Variants in TTC7B observed in about 807,000 individuals in gnomAD.
TTC7B encodes the protein tetratricopeptide repeat domain 7B.
Under a neutral mutation model 106.8 loss-of-function variants are expected in TTC7B, and 28 were observed. The ratio of observed to expected loss-of-function variants is 0.26; its 90% CI spans 0.19 to 0.36. TTC7B has a LOEUF of 0.36. TTC7B is among the 10% of genes least tolerant of loss of function. The pLI is 1.00. For missense variants in TTC7B, 862 were observed against 1,076.4 expected, an observed-to-expected ratio of 0.80 and a Z score of 2.79; for synonymous variants, 405 against 430.6, an observed-to-expected ratio of 0.94 and a Z score of 0.74.
At chr14:90,727,310 G>A (rs960086707) in intron 5 of TTC7B, among the ~76,000 whole-genome samples, 3 of 152,144 alleles carry the variant, frequency 2.0e-5, no homozygotes, top group Non-Finnish European at 4.4e-5. Context: ...GAGCCACAGC[G>A]CTTCCCACAC....
At chr14:90,720,008 A>G (rs975133993) in intron 5 of TTC7B, among the ~76,000 whole-genome samples, 6 of 149,584 alleles carry the variant, frequency 4.0e-5, no homozygotes, top group Admixed American at 1.3e-4. Context: ...AAACATTATG[A>G]GATTTATGCA....
At chr14:90,565,017 T>A (rs1285223345) in intron 19 of TTC7B, among the ~76,000 whole-genome samples, 1 of 152,258 alleles carries the variant, frequency 6.6e-6, no homozygotes, top group Non-Finnish European at 1.5e-5. Flanking sequence ...TGCTTCACTT[T>A]GCACTTTTAT....
At chr14:90,613,042 C>T (rs560411273) in intron 16 of TTC7B, among the ~76,000 whole-genome samples, 8 of 152,174 alleles carry the variant, frequency 5.3e-5, no homozygotes, top group Admixed American at 2.0e-4. Flanking sequence ...ACAGTGTGTA[C>T]GCAACAATCA....
At chr14:90,783,976 C>T (rs1335044657) in intron 2 of TTC7B, among the ~76,000 whole-genome samples, 1 of 151,962 alleles carries the variant, frequency 6.6e-6, no homozygotes, top group Non-Finnish European at 1.5e-5. Flanking sequence ...TACTACCACA[C>T]TGCATTGTAG....
intron 15 of TTC7B, among the ~76,000 whole-genome samples, chr14:90,637,500 CT>C (rs1375845724): frequency 6.6e-6 from 1 of 152,078 alleles, no homozygotes; most frequent in Non-Finnish European, 1.5e-5. Flanking sequence ...AGAAAAAGTA[CT>C]ACTCCAACTC....
At chr14:90,785,751 G>T (rs1891365385) in intron 2 of TTC7B, among the ~76,000 whole-genome samples, 1 of 152,144 alleles carries the variant, frequency 6.6e-6, no homozygotes, top group South Asian at 2.1e-4. Flanking sequence ...GCTGGCACCA[G>T]TATGGAACCT....
At chr14:90,583,229 T>C (rs1020420663) in intron 18 of TTC7B, among the ~76,000 whole-genome samples, 1 of 152,228 alleles carries the variant, frequency 6.6e-6, no homozygotes, top group African/African-American at 2.4e-5. Context: ...CAGTATGGCT[T>C]TCTCGCTAAA....
At chr14:90,631,782 G>A (rs998841691) in intron 15 of TTC7B, among the ~76,000 whole-genome samples, 19 of 152,166 alleles carry the variant, frequency 1.2e-4, no homozygotes, top group Admixed American at 1.2e-3. Context: ...CAACACTTGT[G>A]ACTTTGTTTT....
At chr14:90,607,061 G>T (rs1470175721) in intron 17 of TTC7B, among the ~76,000 whole-genome samples, 1 of 152,208 alleles carries the variant, frequency 6.6e-6, no homozygotes, top group Non-Finnish European at 1.5e-5. Context: ...TGTGGGACAG[G>T]AGAGAGAGAT....
chr14:90,696,708 T>G (rs115795940), intron 5 of TTC7B, among the ~76,000 whole-genome samples: 192 of 152,334 alleles, frequency 1.3e-3, no homozygotes, highest in African/African-American at 4.5e-3. Flanking sequence ...AATGATTTAT[T>G]GGCATAGGTA....
intron 1 of TTC7B, among the ~76,000 whole-genome samples, chr14:90,791,557 A>G (rs1180830343): frequency 6.6e-6 from 1 of 152,112 alleles, no homozygotes; most frequent in Non-Finnish European, 1.5e-5. Flanking sequence ...TACACATCCC[A>G]GGCTCCCTGA....
chr14:90,754,018 A>G (rs1010204739), intron 3 of TTC7B, among the ~76,000 whole-genome samples: 2 of 152,232 alleles, frequency 1.3e-5, no homozygotes, highest in African/African-American at 4.8e-5. Flanking sequence ...ATAGTAATAA[A>G]GATAACATGT....
intron 15 of TTC7B, among the ~76,000 whole-genome samples, chr14:90,632,781 G>C (rs1376312725): frequency 6.6e-6 from 1 of 152,280 alleles, no homozygotes; most frequent in East Asian, 1.9e-4. Flanking sequence ...CTGTGCCTCA[G>C]TTTCCTTATC....
At chr14:90,686,464 G>T (rs1214249156) in intron 7 of TTC7B, among the ~76,000 whole-genome samples, 1 of 152,146 alleles carries the variant, frequency 6.6e-6, no homozygotes, top group Non-Finnish European at 1.5e-5. Flanking sequence ...TGTACTGGAA[G>T]TTCTAGCCAG....
chr14:90,560,449 A>C (rs1056991317), intron 19 of TTC7B, among the ~76,000 whole-genome samples: 1 of 152,228 alleles, frequency 6.6e-6, no homozygotes, highest in African/African-American at 2.4e-5. Context: ...AAACACACTG[A>C]TCCCATCATC....
intron 3 of TTC7B, among the ~76,000 whole-genome samples, chr14:90,746,248 T>C (rs1889964017): frequency 6.6e-6 from 1 of 152,240 alleles, no homozygotes; most frequent in African/African-American, 2.4e-5. Context: ...AATTACAAAT[T>C]CTATTTCTTC....
chr14:90,698,349 A>G (rs574563681), intron 5 of TTC7B: 1 of 152,344 alleles, frequency 6.6e-6, no homozygotes, highest in East Asian at 1.9e-4. Flanking sequence ...TTGCTTTCAT[A>G]TCTTCAAACT....
intron 9 of TTC7B, among the ~76,000 whole-genome samples, chr14:90,674,680 A>G (rs12588080): frequency 0.35 from 52,775 of 152,190 alleles, 10,051 homozygotes; most frequent in East Asian, 0.6. Context: ...AGAAATAAAC[A>G]TCTTCCATTT....
intron 19 of TTC7B, among the ~76,000 whole-genome samples, chr14:90,558,108 C>T (rs181903869): frequency 6.5e-4 from 99 of 152,376 alleles, no homozygotes; most frequent in African/African-American, 2.4e-3. Context: ...AGCTGTGCTG[C>T]AGCCACGCCT....
Sources: gnomAD v4.1 joint callset for allele counts (sites outside exome capture counted in the v4.1 genomes callset) on GRCh38, gnomAD v4.1.1 for gene constraint, MANE v1.5 for transcripts, NCBI Gene and HGNC (gene_info 2026-07-23, HGNC 2026-07-21) for gene names.